The following ADAP2 variants were observed in gnomAD, a reference collection of about 807,000 sequenced individuals.
ADAP2 encodes arf-GAP with dual PH domain-containing protein 2.
Under a neutral mutation model 54.9 loss-of-function variants are expected in ADAP2, and 42 were observed. The observed-to-expected ratio is 0.77, with a 90% CI of 0.60 to 0.99. The LOEUF (loss-of-function observed/expected upper bound fraction) is 0.99, where lower values mean the gene tolerates loss of function less well. Among genes scored for constraint, ADAP2 ranks in the 50% least tolerant of loss-of-function variants. ADAP2 has a pLI of 0.00. For synonymous variants in ADAP2, 177 were observed against 180.1 expected, an observed-to-expected ratio of 0.98 and a Z score of 0.14; for missense variants, 429 against 480.4, an observed-to-expected ratio of 0.89 and a Z score of 1.00.
At chr17:30,949,622 G>A (rs1312874085) in intron 7 of ADAP2, among the ~76,000 whole-genome samples, 3 of 152,040 alleles carry the variant, frequency 2.0e-5, no homozygotes, top group Non-Finnish European at 4.4e-5. Flanking sequence ...GGTGGCAGGC[G>A]CCTGTAGTCC....
In ADAP2 at chr17:30,956,413, G is replaced by A; in HGVS notation, c.1055G>A (p.Trp352Ter). Residue 352 changes from tryptophan to a stop codon, truncating the protein, a stop_gained, in exon 10 of 11, where the codon TGG becomes TAG. Transcript: ENST00000330889. LOFTEE classifies it high-confidence loss of function. ...CCCAGTGAGAAGGAACAGCAGGAAT[G>A]GCTGGAAAGTTTGCGGGGTGTCCTG... Reference protein sequence around the residue: ...TCPSEKEQQEWLESLRGVLSS... With the variant: ...TCPSEKEQQE 1 of 1,614,234 alleles carries A rather than the reference G, an allele frequency of 6.2e-7. No individual in the cohort carries two copies. Among genetic ancestry groups the A allele is most frequent in the Non-Finnish European group, 8.5e-7 (1 of 1,180,044 alleles).
rs1904412079 is a variant in ADAP2, at chr17:30,949,307, T to C, written c.678T>C (p.Asn226=). ...ESGKEIVDWF[N]ALRAARLQYL... Reference sequence around the variant, plus strand: ...CGCAGGAGATAGTGGACTGGTTCAATGCCCTCCGTGCAGCCCGTCTGCAGT... The same window carrying C: ...CGCAGGAGATAGTGGACTGGTTCAACGCCCTCCGTGCAGCCCGTCTGCAGT... Residue 226 remains asparagine (N), a synonymous_variant, in exon 7 of 11, where the codon AAT becomes AAC. Coordinates refer to ENST00000330889, the MANE Select transcript of ADAP2 (RefSeq NM_018404.3). 4 of 1,613,746 alleles carry C rather than the reference T, an allele frequency of 2.5e-6. No homozygotes were observed. The East Asian group carries it at 8.9e-5, about 36-fold the overall frequency.
At chr17:30,951,470 A>C (rs1032420071) in intron 7 of ADAP2, among the ~76,000 whole-genome samples, 2 of 151,952 alleles carry the variant, frequency 1.3e-5, no homozygotes, top group African/African-American at 2.4e-5. Flanking sequence ...GGAGTAGTAC[A>C]GTTTATATCT....
intron 2 of ADAP2, among the ~76,000 whole-genome samples, chr17:30,924,267 G>A (rs191520879): frequency 6.3e-4 from 96 of 152,094 alleles, no homozygotes; most frequent in African/African-American, 2.2e-3. Flanking sequence ...CAGATACTTC[G>A]GGGGCTGGGG....
At chr17:30,945,133 T>G in intron 6 of ADAP2, 80 bp downstream of exon 6, 1 of 1,508,602 alleles carries the variant, frequency 6.6e-7, no homozygotes, top group Non-Finnish European at 9.0e-7. Flanking sequence ...CCTCCCCTGC[T>G]CACTGGTGCT....
chr17:30,946,012 G>A (rs915079565), intron 6 of ADAP2, among the ~76,000 whole-genome samples: 3 of 151,062 alleles, frequency 2.0e-5, no homozygotes, highest in African/African-American at 4.9e-5. Flanking sequence ...AAAATTGGCC[G>A]GGCATGGTGG....
intron 6 of ADAP2, among the ~76,000 whole-genome samples, chr17:30,947,196 T>C: frequency 6.6e-6 from 1 of 152,184 alleles, no homozygotes; most frequent in East Asian, 1.9e-4. Flanking sequence ...CAGGAAAACC[T>C]GCATGGAGGA....
At chr17:30,923,206 T>C in intron 2 of ADAP2, 136 bp downstream of exon 2, 2 of 986,770 alleles carry the variant, frequency 2.0e-6, no homozygotes, top group East Asian at 2.5e-5. Context: ...ACACAGCTTA[T>C]AAGATGGCAG....
At chr17:30,940,214 C>T (rs1321174695) in intron 5 of ADAP2, among the ~76,000 whole-genome samples, 7 of 152,246 alleles carry the variant, frequency 4.6e-5, no homozygotes, top group Admixed American at 4.6e-4. Flanking sequence ...CTACCAGCCT[C>T]AGTCTCCCAA....
rs1182436645 is a variant in ADAP2 at position 30,923,732 on chromosome 17, C to T, written c.225+662C>T. 3.3e-5 allele frequency among the ~76,000 whole-genome samples: 4 copies of T among 119,642 alleles called. No homozygotes were observed. In the Admixed American group the frequency reaches 3.8e-4, roughly 11 times the overall value. The allele number at this position is 119,642 out of a possible 152,430, so 78.5% of individuals were successfully genotyped here. A position where few individuals can be genotyped will look rare whatever the true frequency, so the allele number is the denominator to read the frequency against. On this transcript the variant is annotated intron_variant, in intron 2 of 10. Transcript: ENST00000330889. ...TTTTTTTTTTTGAGACGGAGTTTCACTCTTGTCGCCCAGGCTGGAGTGCAA... is the reference window on the plus strand; with the variant it reads ...TTTTTTTTTTTGAGACGGAGTTTCATTCTTGTCGCCCAGGCTGGAGTGCAA...
intron 5 of ADAP2, among the ~76,000 whole-genome samples, chr17:30,936,485 G>A (rs1911889881): frequency 6.6e-6 from 1 of 152,068 alleles, no homozygotes; most frequent in Admixed American, 6.6e-5. Context: ...TTTTATAATA[G>A]CCGTCTTCAT....
intron 5 of ADAP2, among the ~76,000 whole-genome samples, chr17:30,935,902 T>C (rs894314377): frequency 2.0e-5 from 3 of 152,198 alleles, no homozygotes; most frequent in Non-Finnish European, 4.4e-5. Flanking sequence ...GGGATTTCTT[T>C]TGGTAACAGT....
chr17:30,927,157 C>G (rs190759074), intron 3 of ADAP2, among the ~76,000 whole-genome samples: 6 of 152,212 alleles, frequency 3.9e-5, no homozygotes, highest in Admixed American at 3.9e-4. Flanking sequence ...GTTTCCACAG[C>G]TCTTAAATGG....
At chr17:30,937,434 C>T (rs914083257) in intron 5 of ADAP2, among the ~76,000 whole-genome samples, 7 of 152,024 alleles carry the variant, frequency 4.6e-5, no homozygotes, top group Non-Finnish European at 8.8e-5. Context: ...GTTGACCAGG[C>T]TGATTTAGAA....
chr17:30,947,369 T>G (rs1347665434), intron 6 of ADAP2, among the ~76,000 whole-genome samples: 1 of 152,174 alleles, frequency 6.6e-6, no homozygotes, highest in African/African-American at 2.4e-5. Flanking sequence ...AAGGTTTTTT[T>G]TTGAGACAGA....
At chr17:30,929,077 G>T (rs564678886) in intron 3 of ADAP2, among the ~76,000 whole-genome samples, 4 of 152,288 alleles carry the variant, frequency 2.6e-5, no homozygotes, top group Non-Finnish European at 5.9e-5. Context: ...ATGTACTCTG[G>T]AGTGGCTGGG....
Position 30,945,065 on chromosome 17 carries a change from G to A in ADAP2, c.657+12G>A, listed in dbSNP as rs756988121. ...ATGAAAGTGGGAAGGTGAGATGCCT[G>A]GAGTTGCCACCTCCGCCTCCAGCTC... On this transcript the variant is annotated intron_variant, in intron 6 of 10. Transcript: ENST00000330889. 7 of 1,613,076 alleles carry A rather than the reference G, an allele frequency of 4.3e-6. No individual in the cohort carries two copies. The South Asian group carries it at 6.6e-5, about 15-fold the overall frequency.
intron 2 of ADAP2, among the ~76,000 whole-genome samples, chr17:30,925,073 A>G (rs1024103014): frequency 6.6e-6 from 1 of 151,644 alleles, no homozygotes; most frequent in Non-Finnish European, 1.5e-5. Flanking sequence ...TACTAGAGAC[A>G]GGGTTTCACC....
Position 30,958,552 on chromosome 17 carries a change from T to C in ADAP2, c.*683T>C, listed in dbSNP as rs1905228321. On this transcript the variant is annotated 3_prime_UTR_variant, in exon 11 of 11. Coordinates refer to ENST00000330889, the MANE Select transcript of ADAP2 (RefSeq NM_018404.3). ...CAGAAATACACTGGATGTTCTCTCT[T>C]TGCTTCAATGGAGACCCAAGGAGCT... 1 of 152,322 alleles carries C rather than the reference T, an allele frequency of 6.6e-6. No homozygotes were observed. Among genetic ancestry groups the C allele is most frequent in the Admixed American group, 6.5e-5 (1 of 15,290 alleles). The allele number at this position is 152,322 out of a possible 1,614,324, so 9.4% of individuals were successfully genotyped here.
Sources: allele counts gnomAD v4.1 joint callset (sites outside exome capture counted in the v4.1 genomes callset), GRCh38; gene constraint gnomAD v4.1.1; transcripts MANE v1.5; gene names NCBI Gene and HGNC (gene_info 2026-07-23, HGNC 2026-07-21).